Variants in XKR4 observed in about 807,000 individuals in gnomAD.
XKR4 encodes the protein XK related 4.
XKR4 carries 12 observed loss-of-function variants against 53.9 expected under a neutral mutation model. The ratio of observed to expected loss-of-function variants is 0.22; its 90% CI spans 0.14 to 0.36. The LOEUF (loss-of-function observed/expected upper bound fraction) is 0.36, where lower values mean the gene tolerates loss of function less well. Among genes scored for constraint, XKR4 ranks in the 10% least tolerant of loss-of-function variants. XKR4 has a pLI of 1.00. For missense variants in XKR4, 799 were observed against 859.5 expected, an observed-to-expected ratio of 0.93 and a Z score of 0.88; for synonymous variants, 354 against 362.4, an observed-to-expected ratio of 0.98 and a Z score of 0.26.
intron 1 of XKR4, among the ~76,000 whole-genome samples, chr8:55,151,554 CT>C (rs1413745640): frequency 3.3e-5 from 5 of 152,090 alleles, no homozygotes; most frequent in Non-Finnish European, 7.4e-5. Flanking sequence ...TTATCATAAT[CT>C]ATTATAGTAG....
intron 2 of XKR4, among the ~76,000 whole-genome samples, chr8:55,513,227 C>T (rs918340685): frequency 6.6e-6 from 1 of 152,198 alleles, no homozygotes; most frequent in South Asian, 2.1e-4. Flanking sequence ...TGCAGACTCA[C>T]TCTCCCAGGG....
At chr8:55,418,837 C>T (rs373268448) in intron 2 of XKR4, among the ~76,000 whole-genome samples, 3 of 152,156 alleles carry the variant, frequency 2.0e-5, no homozygotes, top group East Asian at 1.9e-4. Context: ...CTTCTCATCA[C>T]GACCTTCCTG....
intron 1 of XKR4, among the ~76,000 whole-genome samples, chr8:55,324,849 T>C (rs1441263719): frequency 3.9e-5 from 6 of 152,200 alleles, no homozygotes; most frequent in African/African-American, 1.4e-4. Context: ...CCTTTACCAC[T>C]ACCTCTCCCA....
At chr8:55,508,264 C>T (rs1806575568) in intron 2 of XKR4, among the ~76,000 whole-genome samples, 1 of 152,100 alleles carries the variant, frequency 6.6e-6, no homozygotes, top group African/African-American at 2.4e-5. Flanking sequence ...TTTCAGTCCC[C>T]AGGATGCTAA....
chr8:55,390,728 C>T (rs1328093903), intron 2 of XKR4, among the ~76,000 whole-genome samples: 1 of 152,128 alleles, frequency 6.6e-6, no homozygotes, highest in Admixed American at 6.6e-5. Context: ...ATCTTCTGGC[C>T]CTGAATCACC....
intron 1 of XKR4, among the ~76,000 whole-genome samples, chr8:55,227,166 A>C (rs1225667603): frequency 1.3e-5 from 2 of 152,128 alleles, no homozygotes; most frequent in Non-Finnish European, 2.9e-5. Flanking sequence ...TGGTTTTCTC[A>C]TCTGCGTTGT....
intron 1 of XKR4, among the ~76,000 whole-genome samples, chr8:55,194,723 T>C (rs1405031263): frequency 6.6e-6 from 1 of 152,106 alleles, no homozygotes; most frequent in Non-Finnish European, 1.5e-5. Context: ...ATGCACCCAT[T>C]TGGAGCCCTC....
intron 2 of XKR4, chr8:55,451,611 G>C: frequency 2.7e-6 from 4 of 1,485,706 alleles, no homozygotes; most frequent in Non-Finnish European, 3.7e-6. Flanking sequence ...CGGTGAAGCG[G>C]TTCTGGCGGT....
intron 2 of XKR4, among the ~76,000 whole-genome samples, chr8:55,510,512 G>A (rs1375465695): frequency 6.6e-6 from 1 of 152,110 alleles, no homozygotes; most frequent in Non-Finnish European, 1.5e-5. Context: ...AGGACAGATA[G>A]GAGGCTTCAT....
intron 2 of XKR4, among the ~76,000 whole-genome samples, chr8:55,383,822 A>G (rs1804269422): frequency 6.6e-6 from 1 of 152,156 alleles, no homozygotes; most frequent in Admixed American, 6.5e-5. Context: ...TAACTTGTCT[A>G]AGGTTATAGG....
At chr8:55,339,168 T>C (rs1450807868) in intron 1 of XKR4, among the ~76,000 whole-genome samples, 1 of 152,198 alleles carries the variant, frequency 6.6e-6, no homozygotes, top group Non-Finnish European at 1.5e-5. Flanking sequence ...GGCTGTTTGA[T>C]AACATAGGAT....
chr8:55,121,841 C>T lies in XKR4; in HGVS notation c.806+18547C>T, dbSNP rs991587916. On this transcript the variant is annotated intron_variant, in intron 1 of 2. Transcript: ENST00000327381. ...CGGCACAAATACAACATTACACACA[C>T]ACACACACACACACACACACACCCC... Among the ~76,000 whole-genome samples, 299 of 151,480 alleles carry T rather than the reference C, an allele frequency of 2.0e-3. 1 individual carries two copies. The highest frequency in any genetic ancestry group is 7.0e-3 in the African/African-American group (288 of 41,266).
At chr8:55,247,509 G>A (rs1818300007) in intron 1 of XKR4, among the ~76,000 whole-genome samples, 1 of 152,040 alleles carries the variant, frequency 6.6e-6, no homozygotes, top group Non-Finnish European at 1.5e-5. Flanking sequence ...AGTTTTAGAG[G>A]GATTAAATGA....
intron 1 of XKR4, among the ~76,000 whole-genome samples, chr8:55,334,338 C>G (rs890521848): frequency 1.3e-5 from 2 of 152,150 alleles, no homozygotes; most frequent in Non-Finnish European, 2.9e-5. Context: ...ATCAGGAGAA[C>G]TGGCATAAGT....
intron 2 of XKR4, among the ~76,000 whole-genome samples, chr8:55,472,887 C>T (rs543218203): frequency 7.9e-5 from 12 of 152,126 alleles, no homozygotes; most frequent in African/African-American, 2.4e-4. Context: ...CTTATGTTCT[C>T]GGCATCTTAC....
At chr8:55,513,380 C>G (rs1313917056) in intron 2 of XKR4, among the ~76,000 whole-genome samples, 1 of 152,134 alleles carries the variant, frequency 6.6e-6, no homozygotes, top group Non-Finnish European at 1.5e-5. Context: ...GGAAGGAGAA[C>G]AGCTAAATTT....
chr8:55,144,090 C>T (rs980811763), intron 1 of XKR4, among the ~76,000 whole-genome samples: 22 of 152,130 alleles, frequency 1.4e-4, no homozygotes, highest in African/African-American at 4.1e-4. Flanking sequence ...ATAACTTCTG[C>T]CCTCTCTAAT....
At chr8:55,375,783 GGTAGCAAT>G (rs975797753) in intron 2 of XKR4, among the ~76,000 whole-genome samples, 4 of 151,314 alleles carry the variant, frequency 2.6e-5, no homozygotes, top group African/African-American at 9.7e-5. Flanking sequence ...TTTTTATACA[GGTAGCAAT>G]GTGTGCCATG....
At chr8:55,136,172 G>A (rs1365478535) in intron 1 of XKR4, among the ~76,000 whole-genome samples, 1 of 152,154 alleles carries the variant, frequency 6.6e-6, no homozygotes, top group African/African-American at 2.4e-5. Flanking sequence ...GATTACACGT[G>A]TGAGCCACTG....
Sources: allele counts gnomAD v4.1 joint callset (sites outside exome capture counted in the v4.1 genomes callset), GRCh38; gene constraint gnomAD v4.1.1; transcripts MANE v1.5; gene names NCBI Gene and HGNC (gene_info 2026-07-23, HGNC 2026-07-21).